Variants in TANC2 observed in about 807,000 individuals in gnomAD.
TANC2 encodes tetratricopeptide repeat, ankyrin repeat and coiled-coil containing 2.
TANC2 carries 26 observed loss-of-function variants against 210.5 expected under a neutral mutation model. The ratio of observed to expected loss-of-function variants is 0.12; its 90% confidence interval spans 0.09 to 0.17. The LOEUF (loss-of-function observed/expected upper bound fraction) is 0.17. Ranked by LOEUF, TANC2 falls within the 10% of genes least tolerant of loss-of-function variation. TANC2 has a pLI of 1.00. For synonymous variants in TANC2, 931 were observed against 967.1 expected (o/e 0.96, Z 0.69); for missense variants, 2,129 against 2,608.9 (o/e 0.82, Z 4.01).
intron 1 of TANC2, among the ~76,000 whole-genome samples, chr17:62,998,752 A>G (rs566935469): frequency 1.5e-3 from 224 of 152,342 alleles, no homozygotes; most frequent in Middle Eastern, 3.4e-3. Flanking sequence ...TCCTCAAGGG[A>G]GTGCTAAATA....
At chr17:63,137,928 T>C (rs376910016) in intron 4 of TANC2, among the ~76,000 whole-genome samples, 2 of 152,338 alleles carry the variant, frequency 1.3e-5, no homozygotes, top group Non-Finnish European at 2.9e-5. Flanking sequence ...CAAGGTATTA[T>C]ATAGAGTATA....
chr17:63,337,041 C>T (rs938734617), intron 11 of TANC2, among the ~76,000 whole-genome samples: 2 of 152,068 alleles, frequency 1.3e-5, no homozygotes, highest in Non-Finnish European at 2.9e-5. Flanking sequence ...GAAAGTTATA[C>T]GTAATATTAA....
intron 5 of TANC2, among the ~76,000 whole-genome samples, chr17:63,167,328 A>G (rs888485840): frequency 6.6e-6 from 1 of 152,208 alleles, no homozygotes; most frequent in African/African-American, 2.4e-5. Flanking sequence ...TAATATAATG[A>G]AAAAATATAA....
intron 9 of TANC2, among the ~76,000 whole-genome samples, chr17:63,281,106 A>G (rs990588050): frequency 2.0e-5 from 3 of 152,146 alleles, no homozygotes; most frequent in Non-Finnish European, 4.4e-5. Context: ...GGCACTGGAG[A>G]GTGGCAGAAA....
At chr17:63,186,692 C>T (rs1476245372) in intron 5 of TANC2, among the ~76,000 whole-genome samples, 2 of 152,124 alleles carry the variant, frequency 1.3e-5, no homozygotes, top group East Asian at 1.9e-4. Context: ...TGGATCTTTC[C>T]ATTTCCATGT....
chr17:63,097,307 A>T (rs556749838), intron 3 of TANC2, among the ~76,000 whole-genome samples: 2 of 152,092 alleles, frequency 1.3e-5, no homozygotes, highest in Admixed American at 6.5e-5. Context: ...TTGGCCTCTC[A>T]AAGTCTTGGG....
intron 7 of TANC2, among the ~76,000 whole-genome samples, chr17:63,230,204 A>G (rs1466320321): frequency 2.0e-5 from 3 of 151,802 alleles, no homozygotes; most frequent in African/African-American, 7.3e-5. Context: ...CAGTCCATCC[A>G]TTTTATTAAT....
At chr17:63,158,215 A>G (rs945245333) in intron 5 of TANC2, among the ~76,000 whole-genome samples, 7 of 152,180 alleles carry the variant, frequency 4.6e-5, no homozygotes, top group Middle Eastern at 3.4e-3. Context: ...AATATCTCTA[A>G]TCTACTCTGG....
intron 17 of TANC2, chr17:63,389,747 T>G (rs1375081636): frequency 3.4e-6 from 2 of 593,346 alleles, no homozygotes; most frequent in Non-Finnish European, 5.9e-6. Context: ...CTAAACCCTT[T>G]GAGAGGTGCT....
intron 9 of TANC2, among the ~76,000 whole-genome samples, chr17:63,298,962 C>A (rs527459037): frequency 6.6e-6 from 1 of 152,182 alleles, no homozygotes; most frequent in South Asian, 2.1e-4. Context: ...TGTTGTTTCC[C>A]TCCCTGTGTC....
intron 2 of TANC2, among the ~76,000 whole-genome samples, chr17:63,051,200 T>G (rs979161825): frequency 2.0e-5 from 3 of 152,272 alleles, no homozygotes; most frequent in Non-Finnish European, 4.4e-5. Flanking sequence ...TTTTTATGAT[T>G]ATGCCTCAGC....
intron 7 of TANC2, among the ~76,000 whole-genome samples, chr17:63,229,770 A>ATTTTTTTTT (rs200009079): frequency 7.7e-6 from 1 of 130,556 alleles, no homozygotes. Flanking sequence ...GATTGTTTGT[A>ATTTTTTTTT]TTTTTTTTTT....
intron 2 of TANC2, among the ~76,000 whole-genome samples, chr17:63,053,646 C>T (rs375980811): frequency 2.6e-5 from 4 of 152,204 alleles, no homozygotes; most frequent in African/African-American, 4.8e-5. Context: ...ATTTGTGTGC[C>T]GATGGCATAT....
intron 12 of TANC2, among the ~76,000 whole-genome samples, chr17:63,342,469 A>G (rs558302754): frequency 7.0e-6 from 1 of 142,590 alleles, no homozygotes; most frequent in South Asian, 2.2e-4. Flanking sequence ...ACCTTGAAAG[A>G]AACACAGTGA....
chr17:63,091,170 C>T (rs967734909), intron 3 of TANC2, among the ~76,000 whole-genome samples: 2 of 139,918 alleles, frequency 1.4e-5, no homozygotes, highest in Non-Finnish European at 3.1e-5. Flanking sequence ...TGCCTGTTCA[C>T]TCTGATAGTG....
intron 5 of TANC2, among the ~76,000 whole-genome samples, chr17:63,171,856 G>A (rs2040415872): frequency 6.6e-6 from 1 of 152,082 alleles, no homozygotes; most frequent in Non-Finnish European, 1.5e-5. Flanking sequence ...AAAATCTAAA[G>A]GTATTATTTG....
exon 28 of TANC2, chr17:63,427,106 G>A (rs2049164391): frequency 6.6e-6 from 1 of 152,212 alleles, no homozygotes; most frequent in African/African-American, 2.4e-5. Flanking sequence ...GCTGATTCCT[G>A]CTGAGTGAGG....
At chr17:63,034,231 C>A (rs1386650537) in intron 2 of TANC2, among the ~76,000 whole-genome samples, 1 of 152,174 alleles carries the variant, frequency 6.6e-6, no homozygotes, top group Non-Finnish European at 1.5e-5. Flanking sequence ...TAAATTGAAG[C>A]CAGTACTCGT....
Position 63,229,704 on chromosome 17 carries a change from A to T in TANC2, c.770-8110A>T, listed in dbSNP as rs139619334. ...GGTGTATGTGTCCAGGAATTTATCCATTTTTTCTAGATTTTCTAGTTTATT... is the reference window on the plus strand; with the variant it reads ...GGTGTATGTGTCCAGGAATTTATCCTTTTTTTCTAGATTTTCTAGTTTATT... On this transcript the variant is annotated intron_variant, in intron 7 of 27. Transcript: ENST00000689528. Among the ~76,000 whole-genome samples the T allele has an allele frequency of 1.8e-3, 265 of 149,204 alleles. 8 individuals carry two copies. The East Asian group carries it at 0.047, about 27-fold the overall frequency.
Sources: allele counts gnomAD v4.1 joint callset (sites outside exome capture counted in the v4.1 genomes callset), GRCh38; gene constraint gnomAD v4.1.1; transcripts MANE v1.5; gene names NCBI Gene and HGNC (gene_info 2026-07-23, HGNC 2026-07-21).